The following AKT2 variants were observed in gnomAD, a reference collection of about 807,000 sequenced individuals.
The protein encoded by AKT2 is AKT serine/threonine kinase 2.
In AKT2, 16 loss-of-function variants were observed where a neutral mutation model predicts 58.6. The observed-to-expected ratio is 0.27, with a 90% CI of 0.18 to 0.41. The LOEUF is 0.41. Ranked by LOEUF, AKT2 falls within the 10% of genes least tolerant of loss-of-function variation. AKT2 has a pLI of 1.00. For synonymous variants in AKT2, 253 were observed against 254.0 expected, an observed-to-expected ratio of 1.00 and a Z score of 0.04; for missense variants, 438 against 661.0, an observed-to-expected ratio of 0.66 and a Z score of 3.70.
At chr19:40,269,331 G>C (rs1441988726) in intron 1 of AKT2, 1 of 152,292 alleles carries the variant, frequency 6.6e-6, no homozygotes, top group Non-Finnish European at 1.5e-5. Context: ...GGTAAAAAGA[G>C]CAAGAGCACC....
intron 9 of AKT2, chr19:40,236,609 G>A (rs1974046856): frequency 1.6e-6 from 1 of 609,636 alleles, no homozygotes; most frequent in African/African-American, 1.8e-5. Flanking sequence ...AGCTGGGCAG[G>A]GAGAGCCGAG....
chr19:40,235,811 T>C lies in AKT2; in HGVS notation c.1175+79A>G, dbSNP rs1240277547. Reference sequence around the variant, plus strand: ...GCGACCCTACAAGCGAGCACCCTTGTGGACGCTGCCCCCTCCAGGCCGCAG... The same window carrying C: ...GCGACCCTACAAGCGAGCACCCTTGCGGACGCTGCCCCCTCCAGGCCGCAG... On this transcript the variant is annotated intron_variant, in intron 11 of 13. Coordinates refer to ENST00000392038, the MANE Select transcript of AKT2 (RefSeq NM_001626.6). This position sits in a 1 kb window ranked among gnomAD's most constrained non-coding sequence, Gnocchi z 6.3. The C allele has an allele frequency of 9.1e-6, 13 of 1,430,222 alleles. No homozygotes were observed. The South Asian group carries it at 1.2e-4, about 13-fold the overall frequency. The allele number at this position is 1,430,222 out of a possible 1,614,324, so 88.6% of individuals were successfully genotyped here.
In AKT2 at chr19:40,280,418, G is replaced by C. The variant is rs150932818; in HGVS notation, c.-85+4763C>G. ...TGTAAGGCAGTGATGCTACTGGAGGGGAAGTGGGAGGCCTGTGAAACGCCC... is the reference window on the plus strand; with the variant it reads ...TGTAAGGCAGTGATGCTACTGGAGGCGAAGTGGGAGGCCTGTGAAACGCCC... On this transcript the variant is annotated intron_variant, in intron 1 of 13. Coordinates refer to ENST00000392038, the MANE Select transcript of AKT2 (RefSeq NM_001626.6). Among the ~76,000 whole-genome samples the C allele has an allele frequency of 1.0e-3, 154 of 152,274 alleles. 1 individual carries two copies. The highest frequency in any genetic ancestry group is 3.4e-3 in the African/African-American group (141 of 41,540).
intron 1 of AKT2, among the ~76,000 whole-genome samples, chr19:40,270,333 G>C (rs1463035816): frequency 6.6e-6 from 1 of 152,228 alleles, no homozygotes; most frequent in African/African-American, 2.4e-5. Flanking sequence ...TGGATCCCCA[G>C]AGCTTTGTAG....
Position 40,230,374 on chromosome 19 carries a change from C to G in AKT2, c.*3498G>C, listed in dbSNP as rs1465546426. ...CTGGTAGCACCAAACGAAACCAAGT[C>G]AATTCCTGTTAACGGGGCAGCTGAA... On this transcript the variant is annotated 3_prime_UTR_variant, in exon 14 of 14. Transcript: ENST00000392038. The G allele has an allele frequency of 4.5e-6, 1 of 220,094 alleles. No homozygotes were observed. Among genetic ancestry groups the G allele is most frequent in the Non-Finnish European group, 9.1e-6 (1 of 109,790 alleles). The allele number at this position is 220,094 out of a possible 1,614,324, so 13.6% of individuals were successfully genotyped here.
In AKT2 at chr19:40,231,803, C is replaced by T. The variant is rs536310687; in HGVS notation, c.*2069G>A. ...CAAGCTGAACAGGGTTCTAACCAAA[C>T]GCTCAGGAGCTCCCAGGTGACAGCA... On this transcript the variant is annotated 3_prime_UTR_variant, in exon 14 of 14. Transcript: ENST00000392038. 103 of 233,820 alleles carry T rather than the reference C, an allele frequency of 4.4e-4. No individual in the cohort carries two copies. Among genetic ancestry groups the T allele is most frequent in the African/African-American group, 2.2e-3 (98 of 45,484 alleles). 14.5% of individuals were successfully genotyped at this position (233,820 alleles called of 1,614,324 possible).
intron 4 of AKT2, among the ~76,000 whole-genome samples, chr19:40,251,619 G>A (rs1024601429): frequency 1.3e-5 from 2 of 152,110 alleles, no homozygotes; most frequent in East Asian, 1.9e-4. Context: ...GGCTGAACTA[G>A]ATTAAATAAA....
Position 40,231,238 on chromosome 19 carries a change from C to T in AKT2, c.*2634G>A, listed in dbSNP as rs913657430. 4.3e-6 allele frequency: 1 copy of T among 232,072 alleles called. No individual in the cohort carries two copies. The highest frequency in any genetic ancestry group is 8.5e-6 in the Non-Finnish European group (1 of 117,442). 14.4% of individuals were successfully genotyped at this position (232,072 alleles called of 1,614,324 possible). ...CCCATCCTGTGGAAGAGGAGAGAGG[C>T]ACTAAAAAGATGAGGTAGCCAGGCC... On this transcript the variant is annotated 3_prime_UTR_variant, in exon 14 of 14. Coordinates refer to ENST00000392038, the MANE Select transcript of AKT2 (RefSeq NM_001626.6).
Position 40,242,738 on chromosome 19 carries a change from AGTC to A in AKT2, c.288-54_288-52del. ...AGCAGCCAGGAGTCCTGGGCCTCAGAGTCGAACAGCTGAGTGCCACCTCCCAGC... is the reference window on the plus strand; with the variant it reads ...AGCAGCCAGGAGTCCTGGGCCTCAGAGAACAGCTGAGTGCCACCTCCCAGC... On this transcript the variant is annotated intron_variant, in intron 4 of 13. Transcript: ENST00000392038. The surrounding 1 kb of genome is among the most constrained non-coding windows in gnomAD (Gnocchi z 4.3). The A allele has an allele frequency of 1.9e-6, 3 of 1,598,290 alleles. No individual in the cohort carries two copies. The highest frequency in any genetic ancestry group is 2.6e-6 in the Non-Finnish European group (3 of 1,176,020).
At position 40,240,790 on chromosome 19, in the gene AKT2, T is replaced by C. The variant is rs113908342; in HGVS notation, c.574-680A>G. On this transcript the variant is annotated intron_variant, in intron 6 of 13. Coordinates refer to ENST00000392038, the MANE Select transcript of AKT2 (RefSeq NM_001626.6). ...ATGTCTGAAGTCTTTTTTTTTTTTT[T>C]CCCTTTTTTTTTTTAGCTGGGGGTC... 9.6e-4 allele frequency: 156 copies of C among 163,202 alleles called. 1 individual carries two copies. Among genetic ancestry groups the C allele is most frequent in the South Asian group, 1.6e-3 (10 of 6,290 alleles). The allele number at this position is 163,202 out of a possible 1,614,324, so 10.1% of individuals were successfully genotyped here. A position where few individuals can be genotyped will look rare whatever the true frequency, so the allele number is the denominator to read the frequency against.
chr19:40,251,573 A>T (rs1975156991), intron 4 of AKT2, among the ~76,000 whole-genome samples: 1 of 152,214 alleles, frequency 6.6e-6, no homozygotes, highest in Non-Finnish European at 1.5e-5. Flanking sequence ...AATTAATAAA[A>T]AATCAATGTC....
chr19:40,245,330 G>A (rs528737440), intron 4 of AKT2, among the ~76,000 whole-genome samples: 5 of 152,272 alleles, frequency 3.3e-5, no homozygotes, highest in African/African-American at 1.2e-4. Flanking sequence ...CTTGAGCCCA[G>A]GAATTCCAGA....
rs1974183404 is a variant in AKT2, at chr19:40,238,691, A to G, written c.708+214T>C. Among the ~76,000 whole-genome samples, 1 of 151,982 alleles carries G rather than the reference A, an allele frequency of 6.6e-6. No individual in the cohort carries two copies. Among genetic ancestry groups the G allele is most frequent in the African/African-American group, 2.4e-5 (1 of 41,366 alleles). On this transcript the variant is annotated intron_variant, in intron 8 of 13. Transcript: ENST00000392038. This position sits in a 1 kb window ranked among gnomAD's most constrained non-coding sequence, Gnocchi z 5.1. ...TTTGGACCTGACCCACCCACTCACTAGCTGTGTAAACTTGGGCAAGCCACT... is the reference window on the plus strand; with the variant it reads ...TTTGGACCTGACCCACCCACTCACTGGCTGTGTAAACTTGGGCAAGCCACT...
At position 40,242,364 on chromosome 19, in the gene AKT2, A is replaced by G. The variant is rs1568529647; in HGVS notation, c.441+170T>C. The G allele has an allele frequency of 5.4e-6, 6 of 1,115,108 alleles. No homozygotes were observed. Among genetic ancestry groups the G allele is most frequent in the Admixed American group, 3.5e-5 (2 of 56,780 alleles). 69.1% of individuals were successfully genotyped at this position (1,115,108 alleles called of 1,614,324 possible). On this transcript the variant is annotated intron_variant, in intron 5 of 13. Coordinates refer to ENST00000392038, the MANE Select transcript of AKT2 (RefSeq NM_001626.6). This position sits in a 1 kb window ranked among gnomAD's most constrained non-coding sequence, Gnocchi z 4.3. ...CAAGGTTGCTCCCTCCCCTACGGGCATGGAGCACACCCTAGGGCACCTGCC... is the reference window on the plus strand; with the variant it reads ...CAAGGTTGCTCCCTCCCCTACGGGCGTGGAGCACACCCTAGGGCACCTGCC...
At chr19:40,257,715 T>C (rs1975641375) in intron 2 of AKT2, among the ~76,000 whole-genome samples, 1 of 152,010 alleles carries the variant, frequency 6.6e-6, no homozygotes, top group South Asian at 2.1e-4. Context: ...ACAGCATTAT[T>C]CATAACAGCC....
chr19:40,254,689 C>A (rs776571578), intron 4 of AKT2, among the ~76,000 whole-genome samples: 6 of 140,590 alleles, frequency 4.3e-5, no homozygotes, highest in Non-Finnish European at 7.7e-5. Context: ...CTAAGCCGGG[C>A]ATGGTGGCAC....
chr19:40,285,117 C>CT, intron 1 of AKT2, 64 bp downstream of exon 1: 1 of 390,946 alleles, frequency 2.6e-6, no homozygotes, highest in Non-Finnish European at 4.5e-6. Context: ...ATCGCGGCAC[C>CT]GCGGGGGGCC....
In AKT2 at chr19:40,234,843, C is replaced by T. The variant is rs774630594; in HGVS notation, c.1366+202G>A. ...TGAGCCCCCCGACTGAGCTCCAGAA[C>T]GTGCTGCAGTCAATGGCTCCTGGTG... On this transcript the variant is annotated intron_variant, in intron 13 of 13. Transcript: ENST00000392038. The surrounding 1 kb of genome is among the most constrained non-coding windows in gnomAD (Gnocchi z 4.7). The T allele has an allele frequency of 5.9e-5, 39 of 663,250 alleles. 1 individual carries two copies. The highest frequency in any genetic ancestry group is 3.8e-4 in the South Asian group (23 of 60,946). The allele number at this position is 663,250 out of a possible 1,614,324, so 41.1% of individuals were successfully genotyped here. A position where few individuals can be genotyped will look rare whatever the true frequency, so the allele number is the denominator to read the frequency against.
chr19:40,278,347 T>C (rs908954155), intron 1 of AKT2, among the ~76,000 whole-genome samples: 2 of 151,998 alleles, frequency 1.3e-5, no homozygotes, highest in African/African-American at 2.4e-5. Context: ...CAGGCTGTGG[T>C]GAGGATGAGT....
Sources: allele counts gnomAD v4.1 joint callset (sites outside exome capture counted in the v4.1 genomes callset), GRCh38; gene constraint gnomAD v4.1.1; non-coding constraint Gnocchi (gnomAD v3.1); transcripts MANE v1.5; gene names NCBI Gene and HGNC (gene_info 2026-07-23, HGNC 2026-07-21).